ZNF492: variants seen among roughly 807,000 people sequenced by gnomAD.
ZNF492 encodes zinc finger protein 492, also known as zinc finger protein 115 (Y20).
In ZNF492, 3 loss-of-function variants were observed where a neutral mutation model predicts 6.4. The observed-to-expected ratio is 0.47, with a 90% CI of 0.21 to 1.22. The LOEUF (loss-of-function observed/expected upper bound fraction) is 1.22, where lower values mean the gene tolerates loss of function less well. Ranked by LOEUF, ZNF492 falls within the 50% of genes most tolerant of loss-of-function variation. The pLI is 0.22. For missense variants in ZNF492, 356 were observed against 612.5 expected (o/e 0.58, Z 4.42); for synonymous variants, 112 against 205.3 (o/e 0.55, Z 3.89).
chr19:22,657,074 T>G (rs1260935121), intron 3 of ZNF492, among the ~76,000 whole-genome samples: 2 of 152,180 alleles, frequency 1.3e-5, no homozygotes, highest in Non-Finnish European at 2.9e-5. Context: ...CCATTTTTAC[T>G]TTCTACTTTC....
intron 1 of ZNF492, among the ~76,000 whole-genome samples, chr19:22,650,286 GCTCCTTCCTCTGGGAT>G (rs1335111931): frequency 6.6e-6 from 1 of 152,130 alleles, no homozygotes; most frequent in Non-Finnish European, 1.5e-5. Flanking sequence ...ATGGGTGCCT[GCTCCTTCCTCTGGGAT>G]CTCTGACCTT....
intron 3 of ZNF492, among the ~76,000 whole-genome samples, chr19:22,658,596 G>C (rs1041597492): frequency 1.4e-5 from 2 of 140,550 alleles, no homozygotes; most frequent in Non-Finnish European, 3.0e-5. Flanking sequence ...AAATCTGTTT[G>C]TGGCTGGCTC....
intron 1 of ZNF492, among the ~76,000 whole-genome samples, chr19:22,652,115 A>ATT (rs141101385): frequency 1.4e-4 from 21 of 150,912 alleles, no homozygotes; most frequent in African/African-American, 4.9e-4. Flanking sequence ...TCTGTGACAG[A>ATT]TTTTTTTCTA....
At position 22,666,208 on chromosome 19, in the gene ZNF492, A is replaced by G. The variant is rs1216950663; in HGVS notation, c.*943A>G. The G allele has an allele frequency of 2.9e-5, 3 of 103,994 alleles. No individual in the cohort carries two copies. The highest frequency in any genetic ancestry group is 5.7e-5 in the Non-Finnish European group (3 of 52,582). 6.4% of individuals were successfully genotyped at this position (103,994 alleles called of 1,614,324 possible). A position where few individuals can be genotyped will look rare whatever the true frequency, so the allele number is the denominator to read the frequency against. ...TTCTTCTTTTTTTTTTTTTTTTTAG[A>G]TGGAGTCTTGCTCTATCGCCCCCCC... On this transcript the variant is annotated 3_prime_UTR_variant, in exon 4 of 4. Coordinates refer to ENST00000456783, the MANE Select transcript of ZNF492 (RefSeq NM_020855.3).
intron 1 of ZNF492, among the ~76,000 whole-genome samples, chr19:22,635,533 G>A (rs1971752131): frequency 6.6e-6 from 1 of 152,206 alleles, no homozygotes; most frequent in Non-Finnish European, 1.5e-5. Flanking sequence ...CCCATGAGAA[G>A]AAAGCAAGGA....
intron 1 of ZNF492, among the ~76,000 whole-genome samples, chr19:22,640,685 G>C (rs1971817477): frequency 6.6e-6 from 1 of 152,220 alleles, no homozygotes; most frequent in African/African-American, 2.4e-5. Flanking sequence ...AATAGTTTCA[G>C]TAGAAGTGGT....
rs1298726839 is a variant in ZNF492, at chr19:22,667,641, A to C, written c.*2376A>C. Reference sequence around the variant, plus strand: ...CAAGTATAAAATTTACACATTTCTGAGTCCTGAATAAATAAAAATAATTTC... The same window carrying C: ...CAAGTATAAAATTTACACATTTCTGCGTCCTGAATAAATAAAAATAATTTC... On this transcript the variant is annotated 3_prime_UTR_variant, in exon 4 of 4. Transcript: ENST00000456783. 2 of 151,974 alleles carry C rather than the reference A, an allele frequency of 1.3e-5. No homozygotes were observed. Among genetic ancestry groups the C allele is most frequent in the Non-Finnish European group, 1.5e-5 (1 of 67,986 alleles). The allele number at this position is 151,974 out of a possible 1,614,324, so 9.4% of individuals were successfully genotyped here. A position where few individuals can be genotyped will look rare whatever the true frequency, so the allele number is the denominator to read the frequency against.
chr19:22,657,738 A>G (rs1305121508), intron 3 of ZNF492, among the ~76,000 whole-genome samples: 1 of 152,122 alleles, frequency 6.6e-6, no homozygotes, highest in Non-Finnish European at 1.5e-5. Context: ...TTACAATTTT[A>G]GACAATTTGC....
At chr19:22,652,461 C>A (rs1448796611) in intron 1 of ZNF492, among the ~76,000 whole-genome samples, 3 of 151,578 alleles carry the variant, frequency 2.0e-5, no homozygotes, top group African/African-American at 7.3e-5. Flanking sequence ...AACTGAAAAA[C>A]ACACAGGCTT....
intron 1 of ZNF492, among the ~76,000 whole-genome samples, chr19:22,648,435 G>A (rs1195976002): frequency 6.6e-6 from 1 of 152,152 alleles, no homozygotes; most frequent in Non-Finnish European, 1.5e-5. Context: ...GATTTGGGGT[G>A]GTGAGTTCTG....
intron 1 of ZNF492, among the ~76,000 whole-genome samples, chr19:22,635,310 C>T (rs185053023): frequency 2.0e-3 from 300 of 152,300 alleles, no homozygotes; most frequent in African/African-American, 6.8e-3. Flanking sequence ...GTCAACCCCC[C>T]ACACCCCATT....
intron 3 of ZNF492, among the ~76,000 whole-genome samples, chr19:22,663,057 T>C (rs1254909135): frequency 6.6e-6 from 1 of 152,216 alleles, no homozygotes; most frequent in Non-Finnish European, 1.5e-5. Flanking sequence ...CTAGGGTTTT[T>C]ATGGTTTTAG....
At chr19:22,661,846 C>A (rs1474112479) in intron 3 of ZNF492, among the ~76,000 whole-genome samples, 1 of 152,110 alleles carries the variant, frequency 6.6e-6, no homozygotes, top group African/African-American at 2.4e-5. Context: ...ATCCTCCCAC[C>A]TTGGCCGCCA....
intron 1 of ZNF492, among the ~76,000 whole-genome samples, chr19:22,646,038 T>G (rs1971874020): frequency 6.6e-6 from 1 of 152,174 alleles, no homozygotes; most frequent in African/African-American, 2.4e-5. Context: ...TTTAAAGTCT[T>G]TTTTTCTAAT....
At chr19:22,658,237 A>G (rs1020170482) in intron 3 of ZNF492, among the ~76,000 whole-genome samples, 2 of 152,058 alleles carry the variant, frequency 1.3e-5, no homozygotes, top group African/African-American at 4.8e-5. Context: ...CCTGGAAGAC[A>G]TATGGAAACC....
At position 22,665,316 on chromosome 19, in the gene ZNF492, A is replaced by T; in HGVS notation, c.*51A>T. Reference sequence around the variant, plus strand: ...TTAAATGGTTATCACACTGGATTGTAGGTAAGGTAATTCATTCTGGAGAAA... The same window carrying T: ...TTAAATGGTTATCACACTGGATTGTTGGTAAGGTAATTCATTCTGGAGAAA... On this transcript the variant is annotated 3_prime_UTR_variant, in exon 4 of 4. Transcript: ENST00000456783. 1 of 1,496,284 alleles carries T rather than the reference A, an allele frequency of 6.7e-7. No homozygotes were observed. The highest frequency in any genetic ancestry group is 8.9e-7 in the Non-Finnish European group (1 of 1,124,278). The allele number at this position is 1,496,284 out of a possible 1,614,324, so 92.7% of individuals were successfully genotyped here.
At position 22,664,612 on chromosome 19, in the gene ZNF492, G is replaced by C. The variant is rs763623690; in HGVS notation, c.943G>C (p.Gly315Arg). 1 of 1,612,844 alleles carries C rather than the reference G, an allele frequency of 6.2e-7. No homozygotes were observed. Among genetic ancestry groups the C allele is most frequent in the African/African-American group, 1.3e-5 (1 of 74,596 alleles). ...GEKFYKCEEC[G>R]KAFSQLSHLT... ...GAAATTCTACAAATGTGAAGAATGT[G>C]GTAAGGCCTTTAGCCAGTTATCCCA... The change falls in exon 4 of 4, where the codon GGT becomes CGT. Residue 315 changes from glycine to arginine, a missense_variant. This residue lies in a region of ZNF492 where 29 missense variants were observed against 56.8 expected (regional missense o/e 0.51). Transcript: ENST00000456783.
At position 22,667,516 on chromosome 19, in the gene ZNF492, A is replaced by AT. The variant is rs1972143843; in HGVS notation, c.*2257dup. 6.6e-6 allele frequency: 1 copy of AT among 151,978 alleles called. No individual in the cohort carries two copies. The highest frequency in any genetic ancestry group is 2.4e-5 in the African/African-American group (1 of 41,402). 9.4% of individuals were successfully genotyped at this position (151,978 alleles called of 1,614,324 possible). On this transcript the variant is annotated 3_prime_UTR_variant, in exon 4 of 4. Transcript: ENST00000456783. The stretch of plus-strand genomic sequence containing the variant: ...GAGGTATCCATCACCTTTAGAATTT[A>AT]TTTTTTGTATTATGAACAGTTCAAT...
At chr19:22,641,547 C>T (rs1243667052) in intron 1 of ZNF492, among the ~76,000 whole-genome samples, 7 of 152,072 alleles carry the variant, frequency 4.6e-5, no homozygotes, top group East Asian at 1.9e-4. Flanking sequence ...GTATGTGCCA[C>T]GTGATGATGA....
Sources: gnomAD v4.1 joint callset for allele counts (sites outside exome capture counted in the v4.1 genomes callset) on GRCh38, gnomAD v4.1.1 for gene constraint, gnomAD v4.1.1 regional missense constraint, MANE v1.5 for transcripts, NCBI Gene and HGNC (gene_info 2026-07-23, HGNC 2026-07-21) for gene names.